SPTBN4: variants seen among roughly 807,000 people sequenced by gnomAD.
SPTBN4 encodes the protein spectrin beta, non-erythrocytic 4.
In SPTBN4, 96 loss-of-function variants were observed where a neutral mutation model predicts 277.8. The ratio of observed to expected loss-of-function variants is 0.35; its 90% CI spans 0.29 to 0.41. SPTBN4 has a LOEUF of 0.41. Ranked by LOEUF, SPTBN4 falls within the 10% of genes least tolerant of loss-of-function variation. The probability of loss-of-function intolerance (pLI) is 1.00; values close to 1 mark genes in which losing one functional copy is unlikely to be tolerated. For missense variants in SPTBN4, 3,006 were observed against 3,595.7 expected, an observed-to-expected ratio of 0.84 and a Z score of 4.19; for synonymous variants, 1,481 against 1,580.3, an observed-to-expected ratio of 0.94 and a Z score of 1.49.
Position 40,502,167 on chromosome 19 carries a change from C to A in SPTBN4, c.937C>A (p.Arg313Ser). ...QVLEVGKIIE[R>S]YEELAAELLA... ...ATTGGAGGTGGGGAAGATCATAGAA[C>A]GCTACGAGGAGCTGGCGGCTGAGCT... Residue 313 changes from arginine (R) to serine (S), a missense_variant, in exon 9 of 36, where the codon CGC becomes AGC. Arg to Ser is a moderately radical substitution (Grantham distance 110). Coordinates refer to ENST00000598249, the MANE Select transcript of SPTBN4 (RefSeq NM_020971.3). This position sits in a 1 kb window ranked among gnomAD's most constrained non-coding sequence, Gnocchi z 4.9. 6.2e-7 allele frequency: 1 copy of A among 1,614,076 alleles called. No individual in the cohort carries two copies. The highest frequency in any genetic ancestry group is 8.5e-7 in the Non-Finnish European group (1 of 1,180,020).
At chr19:40,469,346 C>G (rs114699530) in intron 1 of SPTBN4, among the ~76,000 whole-genome samples, 2,109 of 152,094 alleles carry the variant, frequency 0.014, 54 homozygotes, top group African/African-American at 0.049. Flanking sequence ...CTCACTACAA[C>G]CTTCGCCTCC....
At chr19:40,561,842 G>GA (rs540111537) in intron 27 of SPTBN4, among the ~76,000 whole-genome samples, 24 of 149,638 alleles carry the variant, frequency 1.6e-4, no homozygotes, top group East Asian at 9.8e-4. Context: ...AAAAAGAAAA[G>GA]AAAAAAAAAT....
chr19:40,537,542 C>T lies in SPTBN4; in HGVS notation c.4359+3199C>T, dbSNP rs188203949. Among the ~76,000 whole-genome samples the T allele has an allele frequency of 4.1e-4, 63 of 152,344 alleles. No homozygotes were observed. The East Asian group carries it at 0.011, about 27-fold the overall frequency. ...GGATCCCCCAGGGGTTCCTTGGCCA[C>T]AGTTTGAGAACTGCTGATGTACACA... On this transcript the variant is annotated intron_variant, in intron 20 of 35. Coordinates refer to ENST00000598249, the MANE Select transcript of SPTBN4 (RefSeq NM_020971.3).
rs1407226669 is a variant in SPTBN4 at position 40,515,170 on chromosome 19, CA to C, written c.2766-140del. On this transcript the variant is annotated intron_variant, in intron 14 of 35. Transcript: ENST00000598249. This position sits in a 1 kb window ranked among gnomAD's most constrained non-coding sequence, Gnocchi z 4.1. ...GTTAAATTAAATTAAATAAAATAAGCAGCAAGTAGAAGAGAAGGAGCCCACA... is the reference window on the plus strand; with the variant it reads ...GTTAAATTAAATTAAATAAAATAAGCGCAAGTAGAAGAGAAGGAGCCCACA... 4.9e-6 allele frequency: 3 copies of C among 607,790 alleles called. No individual in the cohort carries two copies. The African/African-American group carries it at 6.7e-5, about 14-fold the overall frequency. The allele number at this position is 607,790 out of a possible 1,614,324, so 37.6% of individuals were successfully genotyped here.
chr19:40,523,305 G>T, intron 16 of SPTBN4, 132 bp from the exon 17 acceptor site: 1 of 842,470 alleles, frequency 1.2e-6, no homozygotes, highest in Non-Finnish European at 1.8e-6. Flanking sequence ...CAACAGCCCC[G>T]AGGTGGGACC....
At chr19:40,553,744 T>C (rs2080944113) in intron 22 of SPTBN4, among the ~76,000 whole-genome samples, 1 of 152,158 alleles carries the variant, frequency 6.6e-6, no homozygotes, top group Non-Finnish European at 1.5e-5. Context: ...TGCAACTGTA[T>C]ACCTAAGATT....
chr19:40,528,570 C>G (rs899330085), intron 17 of SPTBN4, among the ~76,000 whole-genome samples: 1 of 152,198 alleles, frequency 6.6e-6, no homozygotes, highest in Admixed American at 6.5e-5. Context: ...CTGTCACTTT[C>G]CCTCTCTCTG....
intron 27 of SPTBN4, among the ~76,000 whole-genome samples, chr19:40,562,833 T>A (rs2081056636): frequency 6.8e-6 from 1 of 146,778 alleles, no homozygotes. Context: ...AAATTCCATC[T>A]CAAAAAAAAA....
chr19:40,492,832 C>T, intron 4 of SPTBN4, 131 bp from the exon 5 acceptor site: 1 of 687,942 alleles, frequency 1.5e-6, no homozygotes, highest in Admixed American at 2.2e-5. Flanking sequence ...TGGACCCCCA[C>T]CCCCAGCCAG....
At chr19:40,569,961 CACACACACACACAGACACACACACACAG>C (rs1186431817) in intron 32 of SPTBN4, among the ~76,000 whole-genome samples, 5 of 145,778 alleles carry the variant, frequency 3.4e-5, no homozygotes, top group Middle Eastern at 3.2e-3. Context: ...CACACACACA[CACACACACACACAGACACACACACACAG>C]ACACACACAC....
At position 40,519,788 on chromosome 19, in the gene SPTBN4, C is replaced by T. The variant is rs931153169; in HGVS notation, c.3291C>T (p.Leu1097=). ...GCCTGCAGCGCTTCCTACATGACCT[C>T]GACGCTTTCCTGGACTGGCTCGTGC... ...AGRLQRFLHD[L]DAFLDWLVRA... Residue 1097 remains leucine (L), a synonymous_variant, in exon 16 of 36, where the codon CTC becomes CTT. Transcript: ENST00000598249. This position sits in a 1 kb window ranked among gnomAD's most constrained non-coding sequence, Gnocchi z 5.7. 7.0e-7 allele frequency: 1 copy of T among 1,434,240 alleles called. No homozygotes were observed. Among genetic ancestry groups the T allele is most frequent in the Non-Finnish European group, 9.0e-7 (1 of 1,107,544 alleles). The allele number at this position is 1,434,240 out of a possible 1,614,324, so 88.8% of individuals were successfully genotyped here. A position where few individuals can be genotyped will look rare whatever the true frequency, so the allele number is the denominator to read the frequency against.
At chr19:40,489,286 A>T (rs574169451) in intron 3 of SPTBN4, among the ~76,000 whole-genome samples, 4 of 151,934 alleles carry the variant, frequency 2.6e-5, no homozygotes, top group Non-Finnish European at 5.9e-5. Flanking sequence ...ATTGAGCCAT[A>T]AACAAGGGGA....
intron 27 of SPTBN4, among the ~76,000 whole-genome samples, chr19:40,563,715 A>C (rs2081066025): frequency 6.6e-6 from 1 of 150,952 alleles, no homozygotes. Flanking sequence ...CTCCATCTCA[A>C]AAACAACAAC....
chr19:40,550,091 AAAAAC>A, intron 21 of SPTBN4, 142 bp from the exon 22 acceptor site: 11 of 629,218 alleles, frequency 1.7e-5, no homozygotes, highest in Non-Finnish European at 3.0e-5. Context: ...AAGAAAAAAA[AAAAAC>A]AAAAAATGGA....
chr19:40,499,868 A>G (rs769842909), intron 7 of SPTBN4, among the ~76,000 whole-genome samples: 2 of 151,964 alleles, frequency 1.3e-5, no homozygotes, highest in Non-Finnish European at 2.9e-5. Flanking sequence ...GGTACGTAGT[A>G]GGTGCTAATG....
chr19:40,571,986 G>A lies in SPTBN4; in HGVS notation c.7320-33G>A, dbSNP rs538389473. ...GAAGAGTTATTAGGCAGAGTGCTGC[G>A]GCTCTGCCTTGAGCCCCATCTTGTC... On this transcript the variant is annotated intron_variant, in intron 33 of 35. Coordinates refer to ENST00000598249, the MANE Select transcript of SPTBN4 (RefSeq NM_020971.3). 8.6e-6 allele frequency: 13 copies of A among 1,513,228 alleles called. No individual in the cohort carries two copies. In the East Asian group the frequency reaches 2.5e-4, roughly 29 times the overall value. The allele number at this position is 1,513,228 out of a possible 1,614,324, so 93.7% of individuals were successfully genotyped here.
chr19:40,554,054 C>T lies in SPTBN4; in HGVS notation c.4675-93C>T, dbSNP rs964065043. 6 of 1,272,976 alleles carry T rather than the reference C, an allele frequency of 4.7e-6. No homozygotes were observed. The highest frequency in any genetic ancestry group is 3.2e-5 in the African/African-American group (2 of 62,622). 78.9% of individuals were successfully genotyped at this position (1,272,976 alleles called of 1,614,324 possible). ...GAGCTGGGGGTGCTTGTTAATTGCC[C>T]CGTGGGCCGTGCCAGTAGCAGAGGA... On this transcript the variant is annotated intron_variant, in intron 22 of 35. Coordinates refer to ENST00000598249, the MANE Select transcript of SPTBN4 (RefSeq NM_020971.3). The surrounding 1 kb of genome is among the most constrained non-coding windows in gnomAD (Gnocchi z 5.7).
At chr19:40,524,711 C>T (rs2145884490) in intron 17 of SPTBN4, 1 of 437,010 alleles carries the variant, frequency 2.3e-6, no homozygotes, top group Non-Finnish European at 4.6e-6. Context: ...TCTTCCTGGC[C>T]CCAGCCACTC....
At chr19:40,559,024 C>T (rs1057514897) in intron 26 of SPTBN4, among the ~76,000 whole-genome samples, 3 of 151,236 alleles carry the variant, frequency 2.0e-5, no homozygotes, top group East Asian at 1.9e-4. Flanking sequence ...CTCTGCTTCC[C>T]GGGTTCAAGC....
Sources: allele counts gnomAD v4.1 joint callset (sites outside exome capture counted in the v4.1 genomes callset), GRCh38; gene constraint gnomAD v4.1.1; non-coding constraint Gnocchi (gnomAD v3.1); transcripts MANE v1.5; gene names NCBI Gene and HGNC (gene_info 2026-07-23, HGNC 2026-07-21).